The following FAM219A variants were observed in gnomAD, a reference collection of about 807,000 sequenced individuals.
FAM219A encodes the protein family with sequence similarity 219 member A.
A neutral mutation model predicts 23.4 loss-of-function variants in FAM219A; 7 were observed. The ratio of observed to expected loss-of-function variants is 0.30; its 90% CI spans 0.17 to 0.56. FAM219A has a LOEUF of 0.56. Ranked by LOEUF, FAM219A falls within the 20% of genes least tolerant of loss-of-function variation. The pLI is 0.92. For synonymous variants in FAM219A, 93 were observed against 99.0 expected, an observed-to-expected ratio of 0.94 and a Z score of 0.36; for missense variants, 166 against 246.9, an observed-to-expected ratio of 0.67 and a Z score of 2.20.
In FAM219A at chr9:34,433,329, C is replaced by T. The variant is rs139153143; in HGVS notation, c.60+24875G>A. Among the ~76,000 whole-genome samples the T allele has an allele frequency of 2.5e-3, 380 of 152,242 alleles. 1 individual carries two copies. Among genetic ancestry groups the T allele is most frequent in the African/African-American group, 8.7e-3 (360 of 41,524 alleles). ...CTTCCTCCTTTATCTCTATGGGAAA[C>T]TAATCATGAACCTAGAAGGTTCTGC... On this transcript the variant is annotated intron_variant, in intron 1 of 5. Transcript: ENST00000651358.
At chr9:34,416,514 A>G (rs1284530333) in intron 1 of FAM219A, among the ~76,000 whole-genome samples, 2 of 152,170 alleles carry the variant, frequency 1.3e-5, no homozygotes, top group African/African-American at 4.8e-5. Context: ...CTGTAATCCC[A>G]GCACTTTGGG....
chr9:34,426,828 G>C (rs1012895717), intron 1 of FAM219A, among the ~76,000 whole-genome samples: 1 of 152,180 alleles, frequency 6.6e-6, no homozygotes, highest in African/African-American at 2.4e-5. Context: ...GGGCTGCCAG[G>C]TGAGGACCAT....
chr9:34,429,496 C>A (rs1822612375), intron 1 of FAM219A, among the ~76,000 whole-genome samples: 1 of 152,204 alleles, frequency 6.6e-6, no homozygotes, highest in African/African-American at 2.4e-5. Context: ...AGAGGAGGAA[C>A]TTTCAACCAG....
Position 34,419,354 on chromosome 9 carries a change from G to A in FAM219A, c.61-13390C>T, listed in dbSNP as rs150950718. Among the ~76,000 whole-genome samples, 319 of 151,934 alleles carry A rather than the reference G, an allele frequency of 2.1e-3. 4 individuals carry two copies. Among genetic ancestry groups the A allele is most frequent in the East Asian group, 0.012 (62 of 5,166 alleles). ...AGTTGGACGGGGCTGGGGATTTGGG[G>A]TTGGGTTTCTGGGGGCTTTCTACTT... On this transcript the variant is annotated intron_variant, in intron 1 of 5. Transcript: ENST00000651358.
intron 1 of FAM219A, among the ~76,000 whole-genome samples, chr9:34,421,136 C>G (rs1822267500): frequency 6.6e-6 from 1 of 151,764 alleles, no homozygotes; most frequent in African/African-American, 2.4e-5. Context: ...GCAGGGAGGT[C>G]AGGGCTGAGG....
Position 34,458,314 on chromosome 9 carries a change from C to G in FAM219A, c.-51G>C, listed in dbSNP as rs560724221. ...GGCCGGGCGCGGCCGCGGACGCCGA[C>G]AGGACCGCGCGGGGCGGCGGCCCCA... is the stretch of plus-strand genomic sequence containing the variant. On this transcript the variant is annotated 5_prime_UTR_variant, in exon 1 of 6. Transcript: ENST00000651358. The surrounding 1 kb of genome is among the most constrained non-coding windows in gnomAD (Gnocchi z 6.6). 6.2e-5 allele frequency: 76 copies of G among 1,234,342 alleles called. No homozygotes were observed. In the African/African-American group the frequency reaches 1.0e-3, roughly 16 times the overall value. The allele number at this position is 1,234,342 out of a possible 1,614,324, so 76.5% of individuals were successfully genotyped here. A position where few individuals can be genotyped will look rare whatever the true frequency, so the allele number is the denominator to read the frequency against.
At chr9:34,449,731 AG>A in intron 1 of FAM219A, among the ~76,000 whole-genome samples, 1 of 152,266 alleles carries the variant, frequency 6.6e-6, no homozygotes, top group Admixed American at 6.5e-5. Flanking sequence ...ACATGAAAAA[AG>A]GTTCTATAGT....
intron 1 of FAM219A, among the ~76,000 whole-genome samples, chr9:34,440,038 G>C (rs769920605): frequency 6.6e-6 from 1 of 152,172 alleles, no homozygotes; most frequent in Non-Finnish European, 1.5e-5. Flanking sequence ...AACAGAATGA[G>C]GCCCTCTGGA....
chr9:34,458,558 A>G lies in FAM219A; in HGVS notation c.-295T>C. The G allele has an allele frequency of 2.6e-6, 1 of 388,694 alleles. No individual in the cohort carries two copies. The highest frequency in any genetic ancestry group is 4.7e-6 in the Non-Finnish European group (1 of 212,208). 24.1% of individuals were successfully genotyped at this position (388,694 alleles called of 1,614,324 possible). Reference sequence around the variant, plus strand: ...GCCGCCTCCTGTCAGCAGCTCAGCCACTGCGGTGACTCGGCAACTCCACTT... The same window carrying G: ...GCCGCCTCCTGTCAGCAGCTCAGCCGCTGCGGTGACTCGGCAACTCCACTT... On this transcript the variant is annotated 5_prime_UTR_variant, in exon 1 of 6. Transcript: ENST00000651358. This position sits in a 1 kb window ranked among gnomAD's most constrained non-coding sequence, Gnocchi z 6.6.
Position 34,406,335 on chromosome 9 carries a change from G to A in FAM219A, c.61-371C>T, listed in dbSNP as rs1182225653. On this transcript the variant is annotated intron_variant, in intron 1 of 5. Coordinates refer to ENST00000651358, the MANE Select transcript of FAM219A (RefSeq NM_001184940.2). ...CCCTTCCTGTGTACTTGCTTGGCAAGGTCTTCCTAGGTTCCTGTGAGTTTA... is the reference window on the plus strand; with the variant it reads ...CCCTTCCTGTGTACTTGCTTGGCAAAGTCTTCCTAGGTTCCTGTGAGTTTA... 8 of 985,348 alleles carry A rather than the reference G, an allele frequency of 8.1e-6. No homozygotes were observed. In the East Asian group the frequency reaches 3.4e-4, roughly 42 times the overall value. The allele number at this position is 985,348 out of a possible 1,614,324, so 61.0% of individuals were successfully genotyped here. A position where few individuals can be genotyped will look rare whatever the true frequency, so the allele number is the denominator to read the frequency against.
chr9:34,437,932 C>T (rs1195120003), intron 1 of FAM219A, among the ~76,000 whole-genome samples: 1 of 152,190 alleles, frequency 6.6e-6, no homozygotes, highest in Admixed American at 6.5e-5. Flanking sequence ...GAGGGAGAGG[C>T]GCGAGCGGGA....
intron 1 of FAM219A, among the ~76,000 whole-genome samples, chr9:34,418,428 G>A (rs1306069419): frequency 1.3e-5 from 2 of 152,206 alleles, no homozygotes; most frequent in Admixed American, 6.5e-5. Context: ...GATAATCACT[G>A]TAGCTATGGC....
chr9:34,435,755 AT>A (rs1410523690), intron 1 of FAM219A, among the ~76,000 whole-genome samples: 3 of 151,982 alleles, frequency 2.0e-5, no homozygotes, highest in African/African-American at 7.2e-5. Flanking sequence ...TATGTATGCT[AT>A]GGGATGGAGG....
At chr9:34,453,712 TCTCTTTGGTCCCTGAGAGCACAGGA>T (rs1823640442) in intron 1 of FAM219A, among the ~76,000 whole-genome samples, 1 of 152,172 alleles carries the variant, frequency 6.6e-6, no homozygotes, top group Non-Finnish European at 1.5e-5. Context: ...ATTCTTTAAG[TCTCTTTGGTCCCTGAGAGCACAGGA>T]GGCAGGGTGT....
chr9:34,416,227 GAAAGAAAGAAAGA>G (rs1822006851), intron 1 of FAM219A, among the ~76,000 whole-genome samples: 1 of 115,080 alleles, frequency 8.7e-6, no homozygotes, highest in African/African-American at 3.3e-5. Context: ...AAGAAAGAAA[GAAAGAAAGAAAGA>G]AAGAAAGAAA....
intron 1 of FAM219A, among the ~76,000 whole-genome samples, chr9:34,414,025 G>C (rs1322644998): frequency 6.6e-6 from 1 of 152,206 alleles, no homozygotes; most frequent in East Asian, 1.9e-4. Flanking sequence ...GTAGAAATAA[G>C]CATGTTTAGG....
At position 34,458,509 on chromosome 9, in the gene FAM219A, T is replaced by C. The variant is rs1823856813; in HGVS notation, c.-246A>G. 9 of 373,818 alleles carry C rather than the reference T, an allele frequency of 2.4e-5. No homozygotes were observed. The highest frequency in any genetic ancestry group is 3.9e-5 in the Non-Finnish European group (8 of 207,194). The allele number at this position is 373,818 out of a possible 1,614,324, so 23.2% of individuals were successfully genotyped here. On this transcript the variant is annotated 5_prime_UTR_variant, in exon 1 of 6. Coordinates refer to ENST00000651358, the MANE Select transcript of FAM219A (RefSeq NM_001184940.2). The surrounding 1 kb of genome is among the most constrained non-coding windows in gnomAD (Gnocchi z 6.6). ...GGCTGTGGCCGGGCCGAGCCGCAGG[T>C]CTTGCCTCGCCTCCTACTCCGCTGC...
intron 1 of FAM219A, among the ~76,000 whole-genome samples, chr9:34,441,899 T>G (rs1823187956): frequency 6.6e-6 from 1 of 151,372 alleles, no homozygotes; most frequent in Admixed American, 6.6e-5. Flanking sequence ...TTTGTATTAT[T>G]TTTGTATGGG....
chr9:34,458,466 C>T lies in FAM219A; in HGVS notation c.-203G>A. The stretch of plus-strand genomic sequence containing the variant: ...GCTGAGGCCGGCGTGACTCCGTGGG[C>T]TTGCCTAGCACTACCGCGGCTGTGG... On this transcript the variant is annotated 5_prime_UTR_variant, in exon 1 of 6. Transcript: ENST00000651358. The surrounding 1 kb of genome is among the most constrained non-coding windows in gnomAD (Gnocchi z 6.6). 2.7e-6 allele frequency: 1 copy of T among 365,378 alleles called. No homozygotes were observed. Among genetic ancestry groups the T allele is most frequent in the Non-Finnish European group, 4.9e-6 (1 of 205,838 alleles). The allele number at this position is 365,378 out of a possible 1,614,324, so 22.6% of individuals were successfully genotyped here.
Sources: allele counts gnomAD v4.1 joint callset (sites outside exome capture counted in the v4.1 genomes callset), GRCh38; gene constraint gnomAD v4.1.1; non-coding constraint Gnocchi (gnomAD v3.1); transcripts MANE v1.5; gene names NCBI Gene and HGNC (gene_info 2026-07-23, HGNC 2026-07-21).